The following SLC35F3 variants were observed in gnomAD, a reference collection of about 807,000 sequenced individuals.
SLC35F3 encodes the protein putative thiamine transporter SLC35F3.
A neutral mutation model predicts 49.9 loss-of-function variants in SLC35F3; 25 were observed. The observed-to-expected ratio is 0.50, with a 90% CI of 0.37 to 0.70. The LOEUF is 0.70. Among genes scored for constraint, SLC35F3 ranks in the 30% least tolerant of loss-of-function variants. SLC35F3 has a pLI of 0.00. For missense variants in SLC35F3, 525 were observed against 639.8 expected, an observed-to-expected ratio of 0.82 and a Z score of 1.94; for synonymous variants, 275 against 265.4, an observed-to-expected ratio of 1.04 and a Z score of -0.35.
rs1667373562 is a variant in SLC35F3 at position 234,231,498 on chromosome 1, G to A, written c.365G>A (p.Arg122His). 6.2e-7 allele frequency: 1 copy of A among 1,612,976 alleles called. No homozygotes were observed. Among genetic ancestry groups the A allele is most frequent in the South Asian group, 1.1e-5 (1 of 91,046 alleles). Residue 122 changes from arginine (R) to histidine (H), a missense_variant, in exon 3 of 8, where the codon CGC becomes CAC. Transcript: ENST00000366618. This position sits in a 1 kb window ranked among gnomAD's most constrained non-coding sequence, Gnocchi z 5.4. ...AGVEAGGRAS[R>H]RCWTCSRAQL... Reference sequence around the variant, plus strand: ...GTGGAGGCCGGCGGGAGAGCGAGTCGCCGCTGCTGGACGTGCTCCCGGGCG... The same window carrying A: ...GTGGAGGCCGGCGGGAGAGCGAGTCACCGCTGCTGGACGTGCTCCCGGGCG...
chr1:234,168,295 G>A (rs12409862), intron 2 of SLC35F3, among the ~76,000 whole-genome samples: 19,880 of 152,294 alleles, frequency 0.13, 3,298 homozygotes, highest in East Asian at 0.84. Context: ...AAACTGTGAT[G>A]GCCGGGGTAC....
intron 2 of SLC35F3, among the ~76,000 whole-genome samples, chr1:234,207,294 A>C (rs936061661): frequency 8.9e-6 from 1 of 112,784 alleles, no homozygotes; most frequent in Non-Finnish European, 1.9e-5. Flanking sequence ...CAGGCAGCAA[A>C]GGAACATCTG....
intron 2 of SLC35F3, among the ~76,000 whole-genome samples, chr1:234,115,349 T>C (rs1665470783): frequency 6.6e-6 from 1 of 152,218 alleles, no homozygotes; most frequent in South Asian, 2.1e-4. Flanking sequence ...TGGTTTTAAT[T>C]TGTGTCCTTT....
intron 2 of SLC35F3, among the ~76,000 whole-genome samples, chr1:234,190,798 C>T (rs545909332): frequency 1.3e-5 from 2 of 152,314 alleles, no homozygotes; most frequent in African/African-American, 4.8e-5. Flanking sequence ...ACTGCCACAG[C>T]TACTACTTGA....
At position 233,905,306 on chromosome 1, in the gene SLC35F3, C is replaced by T. The variant is rs1426742201; in HGVS notation, c.53+176C>T. Reference sequence around the variant, plus strand: ...TTCCCTCGCCACTCGCCCCAACCCGCACTGCCCCGAGACGCCCAGGATAGG... The same window carrying T: ...TTCCCTCGCCACTCGCCCCAACCCGTACTGCCCCGAGACGCCCAGGATAGG... On this transcript the variant is annotated intron_variant, in intron 1 of 7. Coordinates refer to ENST00000366618, the MANE Select transcript of SLC35F3 (RefSeq NM_173508.4). Among the ~76,000 whole-genome samples, 11 of 152,210 alleles carry T rather than the reference C, an allele frequency of 7.2e-5. 1 individual carries two copies. Among genetic ancestry groups the T allele is most frequent in the Admixed American group, 7.2e-4 (11 of 15,294 alleles).
intron 2 of SLC35F3, among the ~76,000 whole-genome samples, chr1:234,050,464 T>G (rs1287996314): frequency 6.6e-6 from 1 of 152,202 alleles, no homozygotes; most frequent in Non-Finnish European, 1.5e-5. Context: ...TCATATCCTT[T>G]GCCCACTTTT....
At chr1:234,153,062 C>T (rs951553443) in intron 2 of SLC35F3, among the ~76,000 whole-genome samples, 20 of 152,060 alleles carry the variant, frequency 1.3e-4, no homozygotes, top group East Asian at 1.2e-3. Context: ...GTCTGTTTAA[C>T]CTGCTCAAGT....
chr1:234,002,451 A>G (rs780556785), intron 2 of SLC35F3, among the ~76,000 whole-genome samples: 8 of 152,098 alleles, frequency 5.3e-5, no homozygotes, highest in Non-Finnish European at 1.2e-4. Flanking sequence ...TTTGAGAAAT[A>G]TTGGTTAAGT....
chr1:233,972,032 G>A (rs546082389), intron 2 of SLC35F3, among the ~76,000 whole-genome samples: 49 of 152,366 alleles, frequency 3.2e-4, no homozygotes, highest in African/African-American at 1.1e-3. Context: ...CCCAGCAGCT[G>A]GTGGCTGTCA....
At chr1:234,215,669 C>T (rs1267497404) in intron 2 of SLC35F3, among the ~76,000 whole-genome samples, 2 of 152,220 alleles carry the variant, frequency 1.3e-5, no homozygotes, top group Admixed American at 6.5e-5. Flanking sequence ...GCTTCCCACT[C>T]GTGACTTCTT....
chr1:234,234,907 G>A (rs10910390), intron 3 of SLC35F3, among the ~76,000 whole-genome samples: 62,702 of 151,998 alleles, frequency 0.41, 13,278 homozygotes, highest in African/African-American at 0.47. Context: ...GTGTAAACGC[G>A]AGGAACAAGT....
At chr1:233,949,793 G>A (rs920292622) in intron 2 of SLC35F3, among the ~76,000 whole-genome samples, 2 of 152,074 alleles carry the variant, frequency 1.3e-5, no homozygotes, top group East Asian at 1.9e-4. Context: ...CACAGAGAAC[G>A]TAAGACATCA....
intron 2 of SLC35F3, among the ~76,000 whole-genome samples, chr1:233,974,174 C>CTTTTTTTTT (rs757673463): frequency 2.0e-4 from 17 of 83,096 alleles, no homozygotes; most frequent in African/African-American, 2.9e-4. Flanking sequence ...ATTTCTATTT[C>CTTTTTTTTT]TTTTTTTTTT....
intron 2 of SLC35F3, among the ~76,000 whole-genome samples, chr1:234,001,821 T>C (rs190381809): frequency 6.6e-6 from 1 of 152,248 alleles, no homozygotes; most frequent in Admixed American, 6.5e-5. Flanking sequence ...AATCCACTAT[T>C]CCCCCATCTT....
chr1:234,255,415 T>C (rs1346072015), intron 3 of SLC35F3, among the ~76,000 whole-genome samples: 1 of 152,180 alleles, frequency 6.6e-6, no homozygotes, highest in Admixed American at 6.5e-5. Flanking sequence ...AAATGCAAAA[T>C]AGCACAGCCA....
At chr1:234,139,951 T>TATAAAATAAAATAAAATAA (rs1665867565) in intron 2 of SLC35F3, among the ~76,000 whole-genome samples, 2 of 90,564 alleles carry the variant, frequency 2.2e-5, no homozygotes, top group Admixed American at 2.5e-4. Context: ...CATCTCAAAA[T>TATAAAATAAAATAAAATAA]AATAAAATAA....
chr1:234,201,609 GCAAT>G (rs1398483688), intron 2 of SLC35F3, among the ~76,000 whole-genome samples: 1 of 152,116 alleles, frequency 6.6e-6, no homozygotes, highest in Non-Finnish European at 1.5e-5. Context: ...CTTTAAATAA[GCAAT>G]CAAAGTTAAA....
chr1:233,954,918 A>C (rs1320026646), intron 2 of SLC35F3, among the ~76,000 whole-genome samples: 1 of 152,104 alleles, frequency 6.6e-6, no homozygotes, highest in Admixed American at 6.5e-5. Context: ...ATCTTGGCTC[A>C]CTGCAACCTC....
chr1:234,049,517 A>G (rs1664343490), intron 2 of SLC35F3, among the ~76,000 whole-genome samples: 1 of 152,196 alleles, frequency 6.6e-6, no homozygotes, highest in Admixed American at 6.5e-5. Context: ...CAGGACTTCT[A>G]GCCTCCAGAA....
Sources: allele counts gnomAD v4.1 joint callset (sites outside exome capture counted in the v4.1 genomes callset), GRCh38; gene constraint gnomAD v4.1.1; non-coding constraint Gnocchi (gnomAD v3.1); transcripts MANE v1.5; gene names NCBI Gene and HGNC (gene_info 2026-07-23, HGNC 2026-07-21).